The following CACNA1B variants were observed in gnomAD, a reference collection of about 807,000 sequenced individuals.
The protein encoded by CACNA1B is voltage-dependent N-type calcium channel subunit alpha-1B.
CACNA1B carries 70 observed loss-of-function variants against 247.2 expected under a neutral mutation model. That is an observed-to-expected ratio of 0.28 (90% CI 0.23 to 0.35). The LOEUF (loss-of-function observed/expected upper bound fraction) is 0.35, where lower values mean the gene tolerates loss of function less well. Among genes scored for constraint, CACNA1B ranks in the 10% least tolerant of loss-of-function variants. The probability of loss-of-function intolerance (pLI) is 1.00; values close to 1 mark genes in which losing one functional copy is unlikely to be tolerated. For synonymous variants in CACNA1B, 1,231 were observed against 1,294.4 expected (o/e 0.95, Z 1.05); for missense variants, 2,367 against 3,197.4 (o/e 0.74, Z 6.26).
At chr9:138,032,727 C>T (rs1388873874) in intron 20 of CACNA1B, 3 of 452,444 alleles carry the variant, frequency 6.6e-6, no homozygotes, top group Non-Finnish European at 1.3e-5. Flanking sequence ...TCCATGGTTT[C>T]TGATGAGAAA....
At chr9:137,975,613 C>T (rs1411392935) in intron 11 of CACNA1B, among the ~76,000 whole-genome samples, 1 of 152,214 alleles carries the variant, frequency 6.6e-6, no homozygotes, top group African/African-American at 2.4e-5. Flanking sequence ...CCCATGACCC[C>T]AGAACTCACA....
rs1957389090 is a variant in CACNA1B, at chr9:137,914,387, CCT to C, written c.623-264_623-263del. ...TACCCTGACACCCCCACATCCCACT[CCT>C]CTGCCTACTTTGAGACACTTCTCAG... On this transcript the variant is annotated intron_variant, in intron 4 of 46. Transcript: ENST00000371372. The surrounding 1 kb of genome is among the most constrained non-coding windows in gnomAD (Gnocchi z 4.3). Among the ~76,000 whole-genome samples the C allele has an allele frequency of 6.6e-6, 1 of 152,188 alleles. No homozygotes were observed. The highest frequency in any genetic ancestry group is 1.9e-4 in the East Asian group (1 of 5,174).
At chr9:137,918,861 C>T (rs1487224112) in intron 6 of CACNA1B, among the ~76,000 whole-genome samples, 3 of 152,290 alleles carry the variant, frequency 2.0e-5, no homozygotes, top group Non-Finnish European at 2.9e-5. Context: ...GAGTGGGAGT[C>T]GTGTCTGATG....
chr9:137,879,018 G>C (rs1168836898), intron 1 of CACNA1B, 36 bp from the exon 2 acceptor site: 12 of 1,398,778 alleles, frequency 8.6e-6, no homozygotes, highest in Non-Finnish European at 1.2e-5. Context: ...GTTTCCCTCC[G>C]TGCGGCGTCT....
intron 5 of CACNA1B, among the ~76,000 whole-genome samples, chr9:137,915,014 T>G (rs933599102): frequency 5.9e-5 from 9 of 152,200 alleles, no homozygotes; most frequent in Admixed American, 6.5e-5. Flanking sequence ...TAGTAACTTT[T>G]GGGAAGAAAA....
intron 15 of CACNA1B, among the ~76,000 whole-genome samples, chr9:138,001,883 T>G (rs903324106): frequency 1.3e-5 from 2 of 152,236 alleles, no homozygotes; most frequent in African/African-American, 4.8e-5. Context: ...GCAGTAATTA[T>G]GAAATGTCAT....
Position 138,100,119 on chromosome 9 carries a change from T to G in CACNA1B, c.5223-2592T>G, listed in dbSNP as rs1961204199. 6.6e-6 allele frequency among the ~76,000 whole-genome samples: 1 copy of G among 152,092 alleles called. No individual in the cohort carries two copies. The highest frequency in any genetic ancestry group is 2.4e-5 in the African/African-American group (1 of 41,406). The stretch of plus-strand genomic sequence containing the variant: ...AGAGGAGGTGCCATTTGAGCTGAAC[T>G]TAAAGGAATAGGAAGGATTGAGCAC... On this transcript the variant is annotated intron_variant, in intron 37 of 46. Transcript: ENST00000371372. This position sits in a 1 kb window ranked among gnomAD's most constrained non-coding sequence, Gnocchi z 4.6.
At chr9:138,039,015 T>A (rs1248458429) in intron 20 of CACNA1B, among the ~76,000 whole-genome samples, 2 of 151,668 alleles carry the variant, frequency 1.3e-5, no homozygotes, top group Admixed American at 6.6e-5. Flanking sequence ...CAAAACCCCG[T>A]CTCTGCTGGG....
At chr9:137,939,611 A>G (rs950782620) in intron 6 of CACNA1B, among the ~76,000 whole-genome samples, 9 of 151,880 alleles carry the variant, frequency 5.9e-5, no homozygotes, top group African/African-American at 2.2e-4. Context: ...CATCCTGGAT[A>G]ACATGGTGAA....
Position 138,078,792 on chromosome 9 carries a change from A to T in CACNA1B, c.5094+534A>T, listed in dbSNP as rs149472894. On this transcript the variant is annotated intron_variant, in intron 36 of 46. Coordinates refer to ENST00000371372, the MANE Select transcript of CACNA1B (RefSeq NM_000718.4). ...GGCAACAGTGGCCTGGAGAAAGGAGAGGCAAGGGAGTGAGGTGGGATTAGG... is the reference window on the plus strand; with the variant it reads ...GGCAACAGTGGCCTGGAGAAAGGAGTGGCAAGGGAGTGAGGTGGGATTAGG... Among the ~76,000 whole-genome samples, 780 of 152,216 alleles carry T rather than the reference A, an allele frequency of 5.1e-3. 9 individuals carry two copies. Among genetic ancestry groups the T allele is most frequent in the African/African-American group, 0.018 (740 of 41,518 alleles).
intron 3 of CACNA1B, among the ~76,000 whole-genome samples, chr9:137,897,112 G>C (rs1309940963): frequency 6.6e-6 from 1 of 151,836 alleles, no homozygotes; most frequent in African/African-American, 2.4e-5. Context: ...TTGTATGGTT[G>C]ATTTTCTCTT....
intron 20 of CACNA1B, among the ~76,000 whole-genome samples, chr9:138,034,512 A>C (rs1285137956): frequency 6.6e-6 from 1 of 150,776 alleles, no homozygotes; most frequent in Non-Finnish European, 1.5e-5. Context: ...ATTGTCTATA[A>C]GTTTTATATC....
At chr9:138,062,555 G>A (rs1157063787) in intron 31 of CACNA1B, among the ~76,000 whole-genome samples, 2 of 152,216 alleles carry the variant, frequency 1.3e-5, no homozygotes, top group African/African-American at 4.8e-5. Flanking sequence ...ATGCTTTGGT[G>A]TCATAGACAG....
chr9:138,039,616 A>G (rs544738784), intron 20 of CACNA1B, among the ~76,000 whole-genome samples: 1 of 152,120 alleles, frequency 6.6e-6, no homozygotes, highest in East Asian at 1.9e-4. Context: ...TTTAATTTTA[A>G]TTAATCTGTT....
At chr9:138,031,454 T>G (rs760172505) in intron 20 of CACNA1B, among the ~76,000 whole-genome samples, 1 of 152,208 alleles carries the variant, frequency 6.6e-6, no homozygotes, top group Non-Finnish European at 1.5e-5. Context: ...GTATGTTCTG[T>G]GAGCCTTTGA....
intron 6 of CACNA1B, among the ~76,000 whole-genome samples, chr9:137,925,035 TC>T (rs1189226537): frequency 6.6e-6 from 1 of 152,242 alleles, no homozygotes. Context: ...CCGACCCGTG[TC>T]TGGTTTGTGC....
chr9:138,116,656 C>G (rs1961876411), intron 42 of CACNA1B, among the ~76,000 whole-genome samples: 1 of 152,216 alleles, frequency 6.6e-6, no homozygotes, highest in South Asian at 2.1e-4. Context: ...AATTACAACT[C>G]CAAGTCAGAG....
intron 39 of CACNA1B, among the ~76,000 whole-genome samples, chr9:138,107,951 C>T (rs542994599): frequency 6.6e-6 from 1 of 150,762 alleles, no homozygotes; most frequent in African/African-American, 2.4e-5. Flanking sequence ...CGCCACTGCA[C>T]TCCAGTCTGG....
intron 6 of CACNA1B, among the ~76,000 whole-genome samples, chr9:137,921,624 A>G (rs1174217221): frequency 6.8e-6 from 1 of 146,290 alleles, no homozygotes; most frequent in African/African-American, 2.5e-5. Context: ...GAGCAGAGTA[A>G]AGCGTTCGGA....
Sources: allele counts gnomAD v4.1 joint callset (sites outside exome capture counted in the v4.1 genomes callset), GRCh38; gene constraint gnomAD v4.1.1; non-coding constraint Gnocchi (gnomAD v3.1); transcripts MANE v1.5; gene names NCBI Gene and HGNC (gene_info 2026-07-23, HGNC 2026-07-21).